ZDHHC2: variants seen among roughly 807,000 people sequenced by gnomAD.
ZDHHC2 encodes the protein palmitoyltransferase ZDHHC2.
ZDHHC2 carries 51 observed loss-of-function variants against 55.6 expected under a neutral mutation model. The observed-to-expected ratio is 0.92, with a 90% CI of 0.73 to 1.16. The LOEUF (loss-of-function observed/expected upper bound fraction) is 1.16. ZDHHC2 is among the 50% of genes most tolerant of loss of function. The pLI, the probability that ZDHHC2 is intolerant of heterozygous loss-of-function variation, is 0.00. For synonymous variants in ZDHHC2, 199 were observed against 152.9 expected (o/e 1.30, Z -2.22); for missense variants, 491 against 442.4 (o/e 1.11, Z -0.99).
chr8:17,223,589 CTT>C lies in ZDHHC2; in HGVS notation c.*3371_*3372del, dbSNP rs1382425725. The C allele has an allele frequency of 6.6e-6, 1 of 151,816 alleles. No homozygotes were observed. The highest frequency in any genetic ancestry group is 1.5e-5 in the Non-Finnish European group (1 of 67,782). The allele number at this position is 151,816 out of a possible 1,614,324, so 9.4% of individuals were successfully genotyped here. A position where few individuals can be genotyped will look rare whatever the true frequency, so the allele number is the denominator to read the frequency against. Reference sequence around the variant, plus strand: ...TATGTTACATACCTGAAGTATTACTCTTTTACAAAGATACCATTAGAATTTTC... The same window carrying C: ...TATGTTACATACCTGAAGTATTACTCTTACAAAGATACCATTAGAATTTTC... On this transcript the variant is annotated 3_prime_UTR_variant, in exon 13 of 13. Coordinates refer to ENST00000262096, the MANE Select transcript of ZDHHC2 (RefSeq NM_016353.5).
chr8:17,202,174 C>A (rs1806817968), intron 6 of ZDHHC2, among the ~76,000 whole-genome samples: 1 of 152,202 alleles, frequency 6.6e-6, no homozygotes, highest in African/African-American at 2.4e-5. Flanking sequence ...AGAGGCCATA[C>A]ACATAATCTG....
In ZDHHC2 at chr8:17,156,643, G is replaced by A. The variant is rs1459490027; in HGVS notation, c.-81G>A. ...CGCCGCCCAGGAGCCCGTCCAGCCA[G>A]GGGTGCCGGGCCCGCCCAGCCCGCC... is the stretch of plus-strand genomic sequence containing the variant. On this transcript the variant is annotated 5_prime_UTR_variant, in exon 1 of 13. Transcript: ENST00000262096. 8.2e-6 allele frequency: 9 copies of A among 1,100,454 alleles called. No homozygotes were observed. Among genetic ancestry groups the A allele is most frequent in the Admixed American group, 5.1e-5 (1 of 19,656 alleles). The allele number at this position is 1,100,454 out of a possible 1,614,324, so 68.2% of individuals were successfully genotyped here. A position where few individuals can be genotyped will look rare whatever the true frequency, so the allele number is the denominator to read the frequency against.
At chr8:17,203,843 T>G (rs1420173819) in intron 6 of ZDHHC2, among the ~76,000 whole-genome samples, 1 of 151,026 alleles carries the variant, frequency 6.6e-6, no homozygotes, top group Non-Finnish European at 1.5e-5. Context: ...AAGTCTCCCT[T>G]TGTTGCCAGG....
intron 1 of ZDHHC2, among the ~76,000 whole-genome samples, chr8:17,163,117 G>A (rs1804429465): frequency 6.6e-6 from 1 of 152,182 alleles, no homozygotes; most frequent in East Asian, 1.9e-4. Context: ...CTGAATCCAC[G>A]GCGAGCCTGG....
At chr8:17,204,754 C>G (rs2150937764) in intron 6 of ZDHHC2, among the ~76,000 whole-genome samples, 2 of 152,124 alleles carry the variant, frequency 1.3e-5, no homozygotes, top group Admixed American at 1.3e-4. Context: ...ACAACAGACC[C>G]CCACAACTCA....
intron 1 of ZDHHC2, among the ~76,000 whole-genome samples, chr8:17,164,397 A>G (rs539921744): frequency 2.4e-3 from 359 of 152,304 alleles, no homozygotes; most frequent in Non-Finnish European, 3.5e-3. Context: ...GCAAATGAGT[A>G]AGTGCGTTTA....
intron 11 of ZDHHC2, 140 bp from the exon 12 acceptor site, chr8:17,217,032 A>C: frequency 1.4e-6 from 1 of 702,202 alleles, no homozygotes; most frequent in Non-Finnish European, 2.4e-6. Flanking sequence ...TTTCTATATC[A>C]CCATCTTATA....
At chr8:17,181,143 A>T (rs986592749) in intron 1 of ZDHHC2, among the ~76,000 whole-genome samples, 1 of 152,196 alleles carries the variant, frequency 6.6e-6, no homozygotes, top group African/African-American at 2.4e-5. Flanking sequence ...TGAGTTTTTC[A>T]TGCCCACAAA....
At chr8:17,203,008 C>T (rs533414736) in intron 6 of ZDHHC2, among the ~76,000 whole-genome samples, 10 of 151,588 alleles carry the variant, frequency 6.6e-5, no homozygotes, top group African/African-American at 2.2e-4. Flanking sequence ...TTTTCTATCC[C>T]TTCCAATTTC....
intron 3 of ZDHHC2, 150 bp downstream of exon 3, chr8:17,186,575 C>G (rs1585683158): frequency 1.9e-6 from 1 of 515,630 alleles, no homozygotes; most frequent in East Asian, 3.6e-5. Flanking sequence ...TTAATAAATA[C>G]TTGAATTTTC....
At chr8:17,158,688 G>T (rs1460719715) in intron 1 of ZDHHC2, among the ~76,000 whole-genome samples, 1 of 152,228 alleles carries the variant, frequency 6.6e-6, no homozygotes, top group Non-Finnish European at 1.5e-5. Flanking sequence ...CAGTATTTTA[G>T]TAAGTGACGA....
Position 17,189,826 on chromosome 8 carries a change from G to C in ZDHHC2, c.252+3401G>C, listed in dbSNP as rs141041681. ...ATTGTGTGATTTTTCTACAAAAGAC[G>C]TACCTTAGTCATACAACTGTTTGAG... On this transcript the variant is annotated intron_variant, in intron 3 of 12. Transcript: ENST00000262096. Among the ~76,000 whole-genome samples, 624 of 152,240 alleles carry C rather than the reference G, an allele frequency of 4.1e-3. 9 individuals are homozygous for C. Among genetic ancestry groups the C allele is most frequent in the Middle Eastern group, 0.021 (6 of 292 alleles).
In ZDHHC2 at chr8:17,195,534, T is replaced by C. The variant is rs201770879; in HGVS notation, c.283T>C (p.Leu95=). 3 of 1,613,778 alleles carry C rather than the reference T, an allele frequency of 1.9e-6. No homozygotes were observed. The highest frequency in any genetic ancestry group is 1.7e-4 in the Middle Eastern group (1 of 6,056). Residue 95 remains leucine, a synonymous_variant, in exon 4 of 13, where the codon TTG becomes CTG. Coordinates refer to ENST00000262096, the MANE Select transcript of ZDHHC2 (RefSeq NM_016353.5). ...FHLSYAEKDL[L]EREPRGEAHQ... ...TCTCTCTTATGCAGAGAAAGATTTG[T>C]TGGAGAGAGAGCCAAGAGGAGAAGC...
intron 8 of ZDHHC2, 26 bp downstream of exon 8, chr8:17,208,118 C>G: frequency 6.6e-7 from 1 of 1,525,690 alleles, no homozygotes; most frequent in Non-Finnish European, 8.8e-7. Flanking sequence ...TTGTAGTTGA[C>G]AGAACTTTAA....
Position 17,199,606 on chromosome 8 carries a change from T to TTCCTTTCTTCTTCTTCCTTTC in ZDHHC2, c.476+1194_476+1195insCCTTTCTTCTTCTTCCTTTCT, listed in dbSNP as rs1554466215. Among the ~76,000 whole-genome samples the TTCCTTTCTTCTTCTTCCTTTC allele has an allele frequency of 1.6e-4, 8 of 50,884 alleles. No individual in the cohort carries two copies. The South Asian group carries it at 3.6e-3, about 23-fold the overall frequency. The allele number at this position is 50,884 out of a possible 152,430, so 33.4% of individuals were successfully genotyped here. A position where few individuals can be genotyped will look rare whatever the true frequency, so the allele number is the denominator to read the frequency against. On this transcript the variant is annotated intron_variant, in intron 6 of 12. Coordinates refer to ENST00000262096, the MANE Select transcript of ZDHHC2 (RefSeq NM_016353.5). ...TCTTCTTCTTTCTTCTTCTTTATTCTTTCTTCTTCTTCTTCTTCCTTTCTT... is the reference window on the plus strand; with the variant it reads ...TCTTCTTCTTTCTTCTTCTTTATTCTTCCTTTCTTCTTCTTCCTTTCTTCTTCTTCTTCTTCTTCCTTTCTT...
At chr8:17,175,559 A>G (rs1805087733) in intron 1 of ZDHHC2, among the ~76,000 whole-genome samples, 1 of 152,212 alleles carries the variant, frequency 6.6e-6, no homozygotes, top group African/African-American at 2.4e-5. Flanking sequence ...TGATGAATTT[A>G]TCCTCCATAT....
intron 1 of ZDHHC2, among the ~76,000 whole-genome samples, chr8:17,166,631 A>G (rs1444768859): frequency 6.6e-6 from 1 of 152,172 alleles, no homozygotes; most frequent in South Asian, 2.1e-4. Flanking sequence ...TGGACCAAAG[A>G]TGACCAACAT....
chr8:17,209,841 TTTC>T lies in ZDHHC2; in HGVS notation c.731-87_731-85del. On this transcript the variant is annotated intron_variant, in intron 8 of 12. Coordinates refer to ENST00000262096, the MANE Select transcript of ZDHHC2 (RefSeq NM_016353.5). Reference sequence around the variant, plus strand: ...GTCAGCTAGCCATTGATTTTCAGAGTTTCTTCATTTACTTCAATTATTGATAAA... The same window carrying T: ...GTCAGCTAGCCATTGATTTTCAGAGTTTCATTTACTTCAATTATTGATAAA... 20 of 1,403,428 alleles carry T rather than the reference TTTC, an allele frequency of 1.4e-5. No homozygotes were observed. In the South Asian group the frequency reaches 3.2e-4, roughly 22 times the overall value. 86.9% of individuals were successfully genotyped at this position (1,403,428 alleles called of 1,614,324 possible). A position where few individuals can be genotyped will look rare whatever the true frequency, so the allele number is the denominator to read the frequency against.
intron 1 of ZDHHC2, among the ~76,000 whole-genome samples, chr8:17,170,547 G>A (rs948910060): frequency 2.6e-5 from 4 of 152,134 alleles, no homozygotes; most frequent in African/African-American, 9.7e-5. Context: ...CTGTACTCTG[G>A]TCATATAGTA....
Sources: gnomAD v4.1 joint callset for allele counts (sites outside exome capture counted in the v4.1 genomes callset) on GRCh38, gnomAD v4.1.1 for gene constraint, MANE v1.5 for transcripts, NCBI Gene and HGNC (gene_info 2026-07-23, HGNC 2026-07-21) for gene names.